Variants in USP9X observed in about 807,000 individuals in gnomAD.
USP9X encodes the protein ubiquitin specific peptidase 9 X-linked.
Under a neutral mutation model 190.3 loss-of-function variants are expected in USP9X, and 7 were observed. That is an observed-to-expected ratio of 0.04 (90% confidence interval 0.02 to 0.07). USP9X has a LOEUF of 0.07. Among genes scored for constraint, USP9X ranks in the 10% least tolerant of loss-of-function variants. The pLI, the probability that USP9X is intolerant of heterozygous loss-of-function variation, is 1.00. For synonymous variants in USP9X, 645 were observed against 659.5 expected, an observed-to-expected ratio of 0.98 and a Z score of 0.34; for missense variants, 1,010 against 1,916.9, an observed-to-expected ratio of 0.53 and a Z score of 8.83.
At chrX:41,202,630 G>A (rs967555685) in intron 31 of USP9X, among the ~76,000 whole-genome samples, 1 of 110,831 alleles carries the variant, frequency 9.0e-6, no homozygotes, top group African/African-American at 3.3e-5. Context: ...GTGCCAGATG[G>A]TCTAGGGATT....
At chrX:41,148,672 T>G (rs1367575448) in intron 12 of USP9X, 97 bp downstream of exon 12, 1 of 842,321 alleles carries the variant, frequency 1.2e-6, no homozygotes, top group Non-Finnish European at 1.7e-6. Context: ...CATTGTTAGT[T>G]TTTAAATGAT....
intron 21 of USP9X, among the ~76,000 whole-genome samples, chrX:41,176,795 CATT>C (rs1480140042): frequency 1.8e-5 from 2 of 111,986 alleles, no homozygotes; most frequent in African/African-American, 6.5e-5. Context: ...ATACTGACAT[CATT>C]ATATTTGCCA....
At chrX:41,202,912 C>G (rs1184761381) in intron 31 of USP9X, among the ~76,000 whole-genome samples, 1 of 111,482 alleles carries the variant, frequency 9.0e-6, no homozygotes, top group African/African-American at 3.3e-5. Context: ...GTCTCTGCAC[C>G]CCAGTGTACT....
chrX:41,199,550 C>T (rs1473129925), intron 30 of USP9X, among the ~76,000 whole-genome samples: 1 of 111,107 alleles, frequency 9.0e-6, no homozygotes, highest in African/African-American at 3.3e-5. Flanking sequence ...TTACAGGCGC[C>T]TGCCACCATG....
intron 1 of USP9X, among the ~76,000 whole-genome samples, chrX:41,105,426 A>G (rs1326720465): frequency 8.9e-6 from 1 of 112,085 alleles, no homozygotes; most frequent in African/African-American, 3.2e-5. Flanking sequence ...TGACCGCTTT[A>G]TTTCAGTTAA....
chrX:41,098,850 C>A (rs184613389), intron 1 of USP9X, among the ~76,000 whole-genome samples: 1 of 108,376 alleles, frequency 9.2e-6, no homozygotes, highest in South Asian at 3.9e-4. Flanking sequence ...CAGCCAACTT[C>A]GTCTTTTTCA....
chrX:41,201,239 G>A lies in USP9X; in HGVS notation c.4783G>A (p.Val1595Ile), dbSNP rs951279730. 8.3e-7 allele frequency: 1 copy of A among 1,211,624 alleles called. No individual in the cohort carries two copies. Among genetic ancestry groups the A allele is most frequent in the Non-Finnish European group, 1.1e-6 (1 of 895,170 alleles). Reference protein sequence around the residue: ...ILAIEGTGSDVDDDMSGDEKQ... With the variant: ...ILAIEGTGSDIDDDMSGDEKQ... ...TGCCATTGAAGGCACAGGTAGTGAT[G>A]TAGATGATGATATGTCTGGGGATGA... Residue 1595 changes from valine to isoleucine, a missense_variant, in exon 31 of 45, where the codon GTA (valine) becomes ATA (isoleucine). Val to Ile is a conservative substitution (Grantham distance 29). Transcript: ENST00000378308.
intron 21 of USP9X, among the ~76,000 whole-genome samples, chrX:41,175,500 G>A (rs1164377884): frequency 9.1e-6 from 1 of 109,923 alleles, no homozygotes; most frequent in African/African-American, 3.3e-5. Flanking sequence ...TCCAGCCTGG[G>A]CAACAGAACA....
Position 41,197,352 on chromosome X carries a change from C to CCCCCCGGGGCG in USP9X, c.4234-12_4234-11insCCCCCGGGGCG. The CCCCCCGGGGCG allele has an allele frequency of 3.0e-6, 3 of 988,184 alleles. No individual in the cohort carries two copies. Among genetic ancestry groups the CCCCCCGGGGCG allele is most frequent in the Non-Finnish European group, 4.0e-6 (3 of 759,352 alleles). The allele number at this position is 988,184 out of a possible 1,213,427, so 81.4% of individuals were successfully genotyped here. On this transcript the variant is annotated splice_polypyrimidine_tract_variant and intron_variant, in intron 28 of 44. Coordinates refer to ENST00000378308, the MANE Select transcript of USP9X (RefSeq NM_001039591.3). Reference sequence around the variant, plus strand: ...TTCTTCCCCCCCCCACCCCACCCCCCGCCTTTGGCAGGATGATGTTAAAAG... The same window carrying CCCCCCGGGGCG: ...TTCTTCCCCCCCCCACCCCACCCCCCCCCCCGGGGCGGCCTTTGGCAGGATGATGTTAAAAG...
chrX:41,218,416 G>T lies in USP9X; in HGVS notation c.6254G>T (p.Arg2085Leu). 8.3e-7 allele frequency: 1 copy of T among 1,211,387 alleles called. No homozygotes were observed. The highest frequency in any genetic ancestry group is 1.1e-6 in the Non-Finnish European group (1 of 895,474). The change falls in exon 37 of 45, where the codon CGT becomes CTT. Residue 2085 changes from arginine to leucine, a missense_variant. By Grantham distance (102) the Arg-to-Leu change is moderately radical (BLOSUM62 -2). Coordinates refer to ENST00000378308, the MANE Select transcript of USP9X (RefSeq NM_001039591.3). ...CTCCTTCGTCACAGCAAGAATGTACGTTTTTGGTTTGCTCATAACGTCCTT... is the reference window on the plus strand; with the variant it reads ...CTCCTTCGTCACAGCAAGAATGTACTTTTTTGGTTTGCTCATAACGTCCTT... ...CILLRHSKNV[R>L]FWFAHNVLFN...
intron 21 of USP9X, among the ~76,000 whole-genome samples, chrX:41,177,311 C>A (rs1342928121): frequency 8.9e-6 from 1 of 112,383 alleles, no homozygotes; most frequent in Non-Finnish European, 1.9e-5. Flanking sequence ...TATTCGGTAT[C>A]TCTTTCAGTT....
chrX:41,230,545 A>G lies in USP9X; in HGVS notation c.7476A>G (p.Pro2492=). 1 of 1,211,383 alleles carries G rather than the reference A, an allele frequency of 8.3e-7. No homozygotes were observed. The highest frequency in any genetic ancestry group is 1.1e-6 in the Non-Finnish European group (1 of 895,324). The part of the protein sequence containing the change: ...QDAPDEHESP[P]PEDAPLYPHS... ...CTCCAGATGAACATGAGTCGCCTCC[A>G]CCTGAAGATGCCCCATTGTACCCCC... The change falls in exon 44 of 45, where the codon CCA becomes CCG. Residue 2492 remains proline (P), a synonymous_variant. Transcript: ENST00000378308.
chrX:41,116,305 A>G (rs1424658817), intron 1 of USP9X, among the ~76,000 whole-genome samples: 1 of 112,599 alleles, frequency 8.9e-6, no homozygotes, highest in East Asian at 2.7e-4. Flanking sequence ...ATGGAAAGTG[A>G]TTGTTACTGT....
rs113458868 is a variant in USP9X, at chrX:41,140,340, A to C, written c.655-316A>C. Among the ~76,000 whole-genome samples, 14,850 of 111,527 alleles carry C rather than the reference A, an allele frequency of 0.13. 898 individuals are homozygous for C. The highest frequency in any genetic ancestry group is 0.21 in the East Asian group (755 of 3,520). On this transcript the variant is annotated intron_variant, in intron 6 of 44. Coordinates refer to ENST00000378308, the MANE Select transcript of USP9X (RefSeq NM_001039591.3). ...AAATTATTTTAATATAAAAGACTTT[A>C]CAGTAATTAGAAGGTATTCATTCTT... is the stretch of plus-strand genomic sequence containing the variant.
At chrX:41,090,559 A>G (rs1049096387) in intron 1 of USP9X, among the ~76,000 whole-genome samples, 4 of 112,390 alleles carry the variant, frequency 3.6e-5, no homozygotes, top group Admixed American at 2.8e-4. Context: ...TTTATTCTCA[A>G]TCACTGCCTA....
Position 41,230,490 on chromosome X carries a change from T to C in USP9X, c.7432-11T>C, listed in dbSNP as rs748835792. 8 of 1,201,467 alleles carry C rather than the reference T, an allele frequency of 6.7e-6. No individual in the cohort carries two copies. The highest frequency in any genetic ancestry group is 9.0e-6 in the Non-Finnish European group (8 of 889,222). On this transcript the variant is annotated splice_polypyrimidine_tract_variant and intron_variant, in intron 43 of 44. Coordinates refer to ENST00000378308, the MANE Select transcript of USP9X (RefSeq NM_001039591.3). ...CTACGTAATTTTTTATCTTGAAATATTCAAAATTAGGAGCCAGATGACCAA... is the reference window on the plus strand; with the variant it reads ...CTACGTAATTTTTTATCTTGAAATACTCAAAATTAGGAGCCAGATGACCAA...
intron 1 of USP9X, among the ~76,000 whole-genome samples, chrX:41,094,184 CTTTT>C (rs56901756): frequency 1.0e-5 from 1 of 100,091 alleles, no homozygotes; most frequent in Non-Finnish European, 2.0e-5. Flanking sequence ...TTTCTTTTTT[CTTTT>C]TTTTTGAAAT....
At chrX:41,086,366 C>T (rs753591937) in intron 1 of USP9X, among the ~76,000 whole-genome samples, 53 of 112,055 alleles carry the variant, frequency 4.7e-4, no homozygotes, top group Admixed American at 2.8e-3. Context: ...CTGACGGCTC[C>T]GTCCCTCCCC....
At position 41,085,659 on chromosome X, in the gene USP9X, T is replaced by G; in HGVS notation, c.-609T>G. The G allele has an allele frequency of 3.5e-6, 1 of 288,985 alleles. No homozygotes were observed. Among genetic ancestry groups the G allele is most frequent in the Non-Finnish European group, 6.1e-6 (1 of 164,957 alleles). The allele number at this position is 288,985 out of a possible 1,213,427, so 23.8% of individuals were successfully genotyped here. On this transcript the variant is annotated 5_prime_UTR_variant, in exon 1 of 45. Coordinates refer to ENST00000378308, the MANE Select transcript of USP9X (RefSeq NM_001039591.3). ...GGCGGCCGCCTTAGCGCCCGGTGCT[T>G]GGGTCGGCGCCGGGAGCGAGGAGCG... is the stretch of plus-strand genomic sequence containing the variant.
Sources: allele counts gnomAD v4.1 joint callset (sites outside exome capture counted in the v4.1 genomes callset), GRCh38; gene constraint gnomAD v4.1.1; transcripts MANE v1.5; gene names NCBI Gene and HGNC (gene_info 2026-07-23, HGNC 2026-07-21).